CNTN5: variants seen among roughly 807,000 people sequenced by gnomAD.
CNTN5 encodes the protein contactin 5, also known as contactin-5.
Under a neutral mutation model 129.1 loss-of-function variants are expected in CNTN5, and 77 were observed. That is an observed-to-expected ratio of 0.60 (90% CI 0.50 to 0.72). The LOEUF is 0.72. Ranked by LOEUF, CNTN5 falls within the 30% of genes least tolerant of loss-of-function variation. The pLI is 0.00. For synonymous variants in CNTN5, 509 were observed against 465.6 expected (o/e 1.09, Z -1.20); for missense variants, 1,478 against 1,328.8 (o/e 1.11, Z -1.75).
At chr11:99,432,440 C>CTTTTCTTTTCTTTTG (rs1943414006) in intron 2 of CNTN5, among the ~76,000 whole-genome samples, 1 of 135,708 alleles carries the variant, frequency 7.4e-6, no homozygotes, top group African/African-American at 2.9e-5. Context: ...CTTTTCTTTC[C>CTTTTCTTTTCTTTTG]TTTTCTTTTC....
intron 1 of CNTN5, among the ~76,000 whole-genome samples, chr11:99,285,854 A>C (rs1456595849): frequency 5.9e-5 from 9 of 152,014 alleles, no homozygotes; most frequent in Non-Finnish European, 1.3e-4. Flanking sequence ...CCTGGCCAAC[A>C]TGGTGAAATC....
chr11:99,481,296 G>A (rs1945591351), intron 2 of CNTN5, among the ~76,000 whole-genome samples: 1 of 152,012 alleles, frequency 6.6e-6, no homozygotes, highest in Non-Finnish European at 1.5e-5. Flanking sequence ...ATTAAAGCCT[G>A]ACACCATTAA....
intron 3 of CNTN5, among the ~76,000 whole-genome samples, chr11:99,770,626 T>C (rs1435917848): frequency 6.6e-6 from 1 of 152,054 alleles, no homozygotes; most frequent in Admixed American, 6.6e-5. Context: ...ATTTCTTTCA[T>C]CAATGTCTTA....
chr11:100,021,181 C>T (rs1941120585), intron 9 of CNTN5, among the ~76,000 whole-genome samples: 1 of 152,060 alleles, frequency 6.6e-6, no homozygotes, highest in African/African-American at 2.4e-5. Flanking sequence ...TCAAATAACA[C>T]ACTTTTTGTG....
Position 100,160,497 on chromosome 11 carries a change from T to C in CNTN5, c.1581-30629T>C, listed in dbSNP as rs146166161. Among the ~76,000 whole-genome samples the C allele has an allele frequency of 6.5e-4, 99 of 152,050 alleles. 1 individual carries two copies. The highest frequency in any genetic ancestry group is 1.2e-3 in the Non-Finnish European group (84 of 67,908). ...ATTTGTAACAGATGAAGAAAGATGA[T>C]TGTTTATGATTCCCAGTAGAAATGT... On this transcript the variant is annotated intron_variant, in intron 13 of 24. Transcript: ENST00000524871.
intron 1 of CNTN5, among the ~76,000 whole-genome samples, chr11:99,092,141 T>C (rs2135320944): frequency 6.6e-6 from 1 of 152,308 alleles, no homozygotes; most frequent in South Asian, 2.1e-4. Flanking sequence ...AGTTCCTTAG[T>C]GCAGACCTAT....
intron 2 of CNTN5, among the ~76,000 whole-genome samples, chr11:99,540,785 G>A (rs979515872): frequency 9.9e-5 from 15 of 152,116 alleles, no homozygotes; most frequent in African/African-American, 3.6e-4. Flanking sequence ...CAGAAATTTG[G>A]TATATGATAG....
intron 1 of CNTN5, among the ~76,000 whole-genome samples, chr11:99,214,583 A>T (rs1860023423): frequency 6.6e-6 from 1 of 151,880 alleles, no homozygotes; most frequent in South Asian, 2.1e-4. Flanking sequence ...TTAAGATGTT[A>T]ACCAGAAGAA....
chr11:100,353,088 C>T (rs1952451034), intron 24 of CNTN5, among the ~76,000 whole-genome samples: 1 of 151,628 alleles, frequency 6.6e-6, no homozygotes, highest in Non-Finnish European at 1.5e-5. Context: ...ATAAGATCAG[C>T]CTCAACCTTG....
At chr11:99,201,351 T>TTCCTTCCTTCCTTCCTTCCTTCG (rs59358470) in intron 1 of CNTN5, among the ~76,000 whole-genome samples, 2 of 88,154 alleles carry the variant, frequency 2.3e-5, no homozygotes, top group African/African-American at 1.0e-4. Flanking sequence ...CTTCCTTTCC[T>TTCCTTCCTTCCTTCCTTCCTTCG]TTCCTTCCTT....
chr11:100,287,609 A>C (rs1258080355), intron 18 of CNTN5, among the ~76,000 whole-genome samples: 1 of 151,474 alleles, frequency 6.6e-6, no homozygotes, highest in African/African-American at 2.4e-5. Context: ...TGAAGGAAGC[A>C]CTAAACATGG....
chr11:99,527,934 G>A (rs559367586), intron 2 of CNTN5, among the ~76,000 whole-genome samples: 1 of 152,148 alleles, frequency 6.6e-6, no homozygotes, highest in African/African-American at 2.4e-5. Context: ...AAACAATCCA[G>A]AGATGCAAAT....
At chr11:99,895,992 C>A (rs914793163) in intron 6 of CNTN5, among the ~76,000 whole-genome samples, 16 of 152,180 alleles carry the variant, frequency 1.1e-4, no homozygotes, top group Non-Finnish European at 1.8e-4. Context: ...GGCTTGGGTC[C>A]CCAGCACAGC....
intron 3 of CNTN5, among the ~76,000 whole-genome samples, chr11:99,806,409 A>C: frequency 6.6e-6 from 1 of 152,322 alleles, no homozygotes; most frequent in Non-Finnish European, 1.5e-5. Context: ...GAAAGTAAAT[A>C]TATAAATACT....
chr11:100,084,586 C>A (rs1944477791), intron 13 of CNTN5, among the ~76,000 whole-genome samples: 1 of 151,832 alleles, frequency 6.6e-6, no homozygotes. Flanking sequence ...AGAAACTGTA[C>A]ATCATTTCCA....
chr11:99,577,771 T>A (rs1030729442), intron 3 of CNTN5, among the ~76,000 whole-genome samples: 15 of 152,074 alleles, frequency 9.9e-5, no homozygotes, highest in Non-Finnish European at 2.1e-4. Context: ...TAAAGATGAT[T>A]CTGCATTTGT....
intron 2 of CNTN5, among the ~76,000 whole-genome samples, chr11:99,350,224 G>A (rs1209866794): frequency 6.6e-6 from 1 of 151,934 alleles, no homozygotes; most frequent in Non-Finnish European, 1.5e-5. Context: ...TAATTGCTAT[G>A]TATATGAAAA....
chr11:99,964,159 T>A (rs899069364), intron 8 of CNTN5, among the ~76,000 whole-genome samples: 51 of 152,310 alleles, frequency 3.3e-4, no homozygotes, highest in African/African-American at 1.2e-3. Context: ...TATTTCCTTC[T>A]CCTGCCTGAT....
chr11:99,583,075 T>C (rs1020188155), intron 3 of CNTN5, among the ~76,000 whole-genome samples: 1 of 152,036 alleles, frequency 6.6e-6, no homozygotes, highest in Non-Finnish European at 1.5e-5. Flanking sequence ...CTGTTGGAGT[T>C]TACTGGAGGT....
Sources: allele counts gnomAD v4.1 joint callset (sites outside exome capture counted in the v4.1 genomes callset), GRCh38; gene constraint gnomAD v4.1.1; transcripts MANE v1.5; gene names NCBI Gene and HGNC (gene_info 2026-07-23, HGNC 2026-07-21).